The following ZP3 variants were observed in gnomAD, a reference collection of about 807,000 sequenced individuals.
ZP3 encodes zona pellucida sperm-binding protein 3.
In ZP3, 21 loss-of-function variants were observed where a neutral mutation model predicts 35.6. The ratio of observed to expected loss-of-function variants is 0.59; its 90% confidence interval spans 0.42 to 0.85. ZP3 has a LOEUF of 0.85. Ranked by LOEUF, ZP3 falls within the 40% of genes least tolerant of loss-of-function variation. The probability of loss-of-function intolerance (pLI) is 0.00; values close to 1 mark genes in which losing one functional copy is unlikely to be tolerated. For synonymous variants in ZP3, 207 were observed against 214.5 expected, an observed-to-expected ratio of 0.96 and a Z score of 0.31; for missense variants, 437 against 536.5, an observed-to-expected ratio of 0.81 and a Z score of 1.83.
intron 1 of ZP3, among the ~76,000 whole-genome samples, chr7:76,427,435 G>A (rs113426315): frequency 0.022 from 3,310 of 148,420 alleles, 106 homozygotes; most frequent in African/African-American, 0.07. Flanking sequence ...AGAATTGCTT[G>A]AACCCGGGAG....
intron 1 of ZP3, among the ~76,000 whole-genome samples, chr7:76,415,765 A>G (rs954831311): frequency 5.3e-5 from 8 of 150,594 alleles, no homozygotes; most frequent in Non-Finnish European, 1.2e-4. Context: ...AAAGTGCTGC[A>G]ATTACAGGCA....
chr7:76,438,687 C>T (rs992897141), intron 5 of ZP3, among the ~76,000 whole-genome samples: 14 of 146,212 alleles, frequency 9.6e-5, no homozygotes, highest in Non-Finnish European at 2.1e-4. Context: ...TAAACGTTTC[C>T]CAGAGGCCAG....
intron 2 of ZP3, among the ~76,000 whole-genome samples, chr7:76,431,497 G>T (rs1805823469): frequency 6.6e-6 from 1 of 152,106 alleles, no homozygotes; most frequent in East Asian, 1.9e-4. Flanking sequence ...GGTTAGCAGG[G>T]TAGGTATCTG....
At chr7:76,409,865 G>A (rs10235405) in intron 1 of ZP3, among the ~76,000 whole-genome samples, 63,260 of 151,222 alleles carry the variant, frequency 0.42, 13,452 homozygotes, top group South Asian at 0.53. Flanking sequence ...ATCTTTGGAG[G>A]TAGCCCTGAT....
intron 1 of ZP3, among the ~76,000 whole-genome samples, chr7:76,410,999 GAAA>G (rs977138723): frequency 1.2e-5 from 1 of 80,280 alleles, no homozygotes; most frequent in African/African-American, 4.3e-5. Flanking sequence ...CATCTCAAAA[GAAA>G]AAAAAAAAAA....
chr7:76,425,485 G>C (rs1805624396), intron 1 of ZP3, among the ~76,000 whole-genome samples: 1 of 152,134 alleles, frequency 6.6e-6, no homozygotes, highest in Non-Finnish European at 1.5e-5. Context: ...TGGGTCGATG[G>C]GGTGGAGCCA....
chr7:76,440,498 C>A lies in ZP3; in HGVS notation c.947C>A (p.Ala316Asp), dbSNP rs761425411. The A allele has an allele frequency of 1.2e-6, 2 of 1,614,116 alleles. No homozygotes were observed. Among genetic ancestry groups the A allele is most frequent in the Admixed American group, 3.3e-5 (2 of 59,994 alleles). The change falls in exon 7 of 8, where the codon GCT becomes GAT. Residue 316 changes from alanine to aspartate, a missense_variant. Physicochemically the swap from Ala to Asp is moderately radical, Grantham distance 126 (BLOSUM62 -2). Coordinates refer to ENST00000394857, the MANE Select transcript of ZP3 (RefSeq NM_001110354.2). ...AGCTGGTTCCCAGTGGAAGGCTCGG[C>A]TGACATCTGTCAATGCTGTAACAAA... is the stretch of plus-strand genomic sequence containing the variant. ...SNSWFPVEGSADICQCCNKGD... is the reference protein window; with the variant it reads ...SNSWFPVEGSDDICQCCNKGD...
Position 76,406,020 on chromosome 7 carries a change from C to T in ZP3, c.-67+8223C>T, listed in dbSNP as rs547649047. 2.0e-5 allele frequency among the ~76,000 whole-genome samples: 3 copies of T among 150,808 alleles called. No individual in the cohort carries two copies. In the Admixed American group the frequency reaches 2.0e-4, roughly 10 times the overall value. On this transcript the variant is annotated intron_variant, in intron 1 of 8. Coordinates refer to the ZP3 transcript ENST00000336517. Reference sequence around the variant, plus strand: ...TTTCTTTCTTTGATGGAGTCTCGCTCTGTCGTCCAGGCTGGAATGCAATGG... The same window carrying T: ...TTTCTTTCTTTGATGGAGTCTCGCTTTGTCGTCCAGGCTGGAATGCAATGG...
intron 5 of ZP3, among the ~76,000 whole-genome samples, chr7:76,436,352 G>T (rs1417806891): frequency 6.6e-6 from 1 of 151,978 alleles, no homozygotes; most frequent in African/African-American, 2.4e-5. Context: ...CGGCCTGCTA[G>T]CATTTTACTG....
rs1436475715 is a variant in ZP3, at chr7:76,437,077, G to A, written c.831+2922G>A. Among the ~76,000 whole-genome samples, 3 of 151,966 alleles carry A rather than the reference G, an allele frequency of 2.0e-5. No homozygotes were observed. The East Asian group carries it at 5.8e-4, about 29-fold the overall frequency. On this transcript the variant is annotated intron_variant, in intron 5 of 7. Transcript: ENST00000394857. ...TTCACATCTGTAATCCCAGCACCTT[G>A]GGAGGCCGAGGTGGGAGGATCAGAG...
chr7:76,437,130 A>G (rs1563703984), intron 5 of ZP3, among the ~76,000 whole-genome samples: 1 of 148,790 alleles, frequency 6.7e-6, no homozygotes, highest in Non-Finnish European at 1.5e-5. Flanking sequence ...GCAGTGAGCT[A>G]TGATGGTGCT....
chr7:76,411,477 G>A (rs893555028), intron 1 of ZP3, among the ~76,000 whole-genome samples: 1 of 152,138 alleles, frequency 6.6e-6, no homozygotes, highest in African/African-American at 2.4e-5. Context: ...GCTGAGGTGG[G>A]AGGATGACTT....
intron 4 of ZP3, 21 bp downstream of exon 4, chr7:76,433,668 C>G (rs753880116): frequency 6.3e-7 from 1 of 1,576,382 alleles, no homozygotes; most frequent in East Asian, 2.3e-5. Flanking sequence ...GGCTCCCTGC[C>G]TAGAGAACCT....
intron 2 of ZP3, among the ~76,000 whole-genome samples, chr7:76,432,032 G>C (rs113598911): frequency 1.0e-5 from 1 of 98,748 alleles, no homozygotes; most frequent in East Asian, 3.5e-4. Context: ...TTGGTTTTTT[G>C]TTTAAAAAAA....
chr7:76,435,668 A>G (rs1805973779), intron 5 of ZP3, among the ~76,000 whole-genome samples: 1 of 152,110 alleles, frequency 6.6e-6, no homozygotes, highest in Non-Finnish European at 1.5e-5. Context: ...CTAAATCTTC[A>G]TAGGTGTTTG....
At chr7:76,416,819 T>TAC in intron 1 of ZP3, among the ~76,000 whole-genome samples, 1 of 131,144 alleles carries the variant, frequency 7.6e-6, no homozygotes. Flanking sequence ...TCTCTCTCTA[T>TAC]ATATATATAC....
exon 1 of ZP3, chr7:76,397,586 G>T: frequency 2.5e-6 from 4 of 1,610,544 alleles, no homozygotes; most frequent in East Asian, 2.2e-5. Flanking sequence ...GCTCTGGCAG[G>T]CTGCCAGGCG....
At chr7:76,408,270 A>G (rs1805109628) in intron 1 of ZP3, among the ~76,000 whole-genome samples, 1 of 152,122 alleles carries the variant, frequency 6.6e-6, no homozygotes, top group African/African-American at 2.4e-5. Flanking sequence ...GGATGCAGAC[A>G]CAGGGATTTC....
chr7:76,426,767 C>T (rs761819424), intron 1 of ZP3, among the ~76,000 whole-genome samples: 7 of 151,712 alleles, frequency 4.6e-5, no homozygotes, highest in Non-Finnish European at 1.0e-4. Context: ...AGTGCAATGG[C>T]GCCTATAATC....
Sources: allele counts gnomAD v4.1 joint callset (sites outside exome capture counted in the v4.1 genomes callset), GRCh38; gene constraint gnomAD v4.1.1; transcripts MANE v1.5; gene names NCBI Gene and HGNC (gene_info 2026-07-23, HGNC 2026-07-21).